Variants in SH3RF2 observed in about 807,000 individuals in gnomAD.
SH3RF2 encodes SH3 domain containing ring finger 2.
A neutral mutation model predicts 59.0 loss-of-function variants in SH3RF2; 43 were observed. The observed-to-expected ratio is 0.73, with a 90% confidence interval of 0.57 to 0.94. The LOEUF is 0.94. Among genes scored for constraint, SH3RF2 ranks in the 40% least tolerant of loss-of-function variants. SH3RF2 has a pLI of 0.00. For synonymous variants in SH3RF2, 391 were observed against 391.5 expected (o/e 1.00, Z 0.01); for missense variants, 930 against 940.1 (o/e 0.99, Z 0.14).
chr5:146,046,777 T>C (rs1024225049), intron 5 of SH3RF2, among the ~76,000 whole-genome samples: 1 of 152,090 alleles, frequency 6.6e-6, no homozygotes, highest in African/African-American at 2.4e-5. Context: ...CTTTTTTTTT[T>C]TTTTGAGATA....
At chr5:146,058,069 C>A (rs1187572177) in intron 8 of SH3RF2, among the ~76,000 whole-genome samples, 1 of 151,910 alleles carries the variant, frequency 6.6e-6, no homozygotes, top group East Asian at 1.9e-4. Flanking sequence ...ATCCTGAAAG[C>A]AATTGCTCAC....
At chr5:146,035,653 G>T (rs1339036716) in intron 5 of SH3RF2, among the ~76,000 whole-genome samples, 1 of 152,128 alleles carries the variant, frequency 6.6e-6, no homozygotes, top group Non-Finnish European at 1.5e-5. Context: ...ACCTCTCCTT[G>T]TGGGTCCACA....
downstream of SH3RF2, among the ~76,000 whole-genome samples, chr5:146,067,927 C>A (rs1165726784): frequency 6.6e-6 from 1 of 152,202 alleles, no homozygotes; most frequent in African/African-American, 2.4e-5. Context: ...ATCCTGGTTG[C>A]TAAATATCTT....
intron 2 of SH3RF2, among the ~76,000 whole-genome samples, chr5:145,972,124 T>C (rs541712912): frequency 6.6e-6 from 1 of 152,302 alleles, no homozygotes; most frequent in East Asian, 1.9e-4. Context: ...AGAACAAATA[T>C]AGTTTGTTCA....
chr5:146,060,558 T>G (rs1315774548), intron 9 of SH3RF2, among the ~76,000 whole-genome samples: 1 of 152,214 alleles, frequency 6.6e-6, no homozygotes, highest in Non-Finnish European at 1.5e-5. Context: ...GCTTGCTAGC[T>G]GGGTGACTTT....
chr5:145,992,638 A>G (rs1359673757), intron 2 of SH3RF2, among the ~76,000 whole-genome samples: 1 of 151,446 alleles, frequency 6.6e-6, no homozygotes, highest in Non-Finnish European at 1.5e-5. Context: ...CATGGATGAC[A>G]GCAGGGAGAG....
At chr5:146,052,701 G>A (rs988631915) in intron 7 of SH3RF2, among the ~76,000 whole-genome samples, 4 of 152,158 alleles carry the variant, frequency 2.6e-5, no homozygotes, top group Admixed American at 6.5e-5. Context: ...CCACATGAAT[G>A]ATACATACCC....
intron 2 of SH3RF2, among the ~76,000 whole-genome samples, chr5:145,986,723 G>C (rs2149973482): frequency 6.6e-6 from 1 of 152,276 alleles, no homozygotes; most frequent in East Asian, 1.9e-4. Context: ...CCAGGGATAT[G>C]GCTCTAGACA....
At chr5:146,062,060 C>T (rs752225750) in intron 9 of SH3RF2, among the ~76,000 whole-genome samples, 5 of 152,082 alleles carry the variant, frequency 3.3e-5, no homozygotes, top group South Asian at 2.1e-4. Flanking sequence ...CTTAATAGTA[C>T]GTAGAGAGGA....
intron 4 of SH3RF2, among the ~76,000 whole-genome samples, chr5:146,005,341 G>T (rs140474275): frequency 8.8e-4 from 134 of 152,266 alleles, no homozygotes; most frequent in African/African-American, 3.2e-3. Flanking sequence ...CATGCATAAA[G>T]CATTAAAAAT....
chr5:145,993,351 C>T (rs1350131402), intron 2 of SH3RF2, among the ~76,000 whole-genome samples: 4 of 152,102 alleles, frequency 2.6e-5, no homozygotes, highest in African/African-American at 4.8e-5. Context: ...GGATGGTGGC[C>T]GTCTTCTCAC....
In SH3RF2 at chr5:145,957,279, A is replaced by G. The variant is rs116297647; in HGVS notation, c.378+18973A>G. Reference sequence around the variant, plus strand: ...ACAAACAAGCAAACAAAAAAACACTACTTTGGCTCCTGTGCGGGAAATGAA... The same window carrying G: ...ACAAACAAGCAAACAAAAAAACACTGCTTTGGCTCCTGTGCGGGAAATGAA... On this transcript the variant is annotated intron_variant, in intron 2 of 9. Transcript: ENST00000359120. Among the ~76,000 whole-genome samples the G allele has an allele frequency of 9.7e-3, 1,484 of 152,284 alleles. 24 individuals are homozygous for G. Among genetic ancestry groups the G allele is most frequent in the African/African-American group, 0.034 (1,412 of 41,546 alleles).
intron 2 of SH3RF2, among the ~76,000 whole-genome samples, chr5:145,964,303 CCTTT>C (rs368015059): frequency 0.02 from 2,444 of 120,496 alleles, 23 homozygotes; most frequent in Non-Finnish European, 0.029. Context: ...TTCCTTCCTT[CCTTT>C]CTTTCTTTTT....
chr5:145,992,980 C>T (rs1312697659), intron 2 of SH3RF2, among the ~76,000 whole-genome samples: 2 of 152,118 alleles, frequency 1.3e-5, no homozygotes, highest in East Asian at 3.9e-4. Flanking sequence ...AAGTCCCTTT[C>T]ACCTACGAGC....
Position 145,938,006 on chromosome 5 carries a change from C to T in SH3RF2, c.78C>T (p.Leu26=), listed in dbSNP as rs941904350. 3.7e-6 allele frequency: 6 copies of T among 1,614,100 alleles called. No homozygotes were observed. The highest frequency in any genetic ancestry group is 3.4e-6 in the Non-Finnish European group (4 of 1,180,030). The change falls in exon 2 of 10, where the codon CTC becomes CTT. Residue 26 remains leucine (L), a synonymous_variant. Coordinates refer to ENST00000359120, the MANE Select transcript of SH3RF2 (RefSeq NM_152550.4). ...FEKLDVTAKV[L]PCQHTFCKPC... is the part of the protein sequence containing the mutation. The stretch of plus-strand genomic sequence containing the variant: ...AGCTCGATGTCACAGCCAAAGTCCT[C>T]CCTTGCCAGCACACCTTCTGCAAAC...
intron 2 of SH3RF2, among the ~76,000 whole-genome samples, chr5:145,986,113 A>G (rs1178089832): frequency 6.6e-6 from 1 of 152,234 alleles, no homozygotes; most frequent in Non-Finnish European, 1.5e-5. Flanking sequence ...TTGAGGAAAC[A>G]GGCCCAGAGA....
intron 2 of SH3RF2, among the ~76,000 whole-genome samples, chr5:145,953,126 A>T (rs984753340): frequency 3.5e-5 from 4 of 113,344 alleles, no homozygotes; most frequent in African/African-American, 1.3e-4. Context: ...TCTCTCTGTC[A>T]CACACACACA....
chr5:145,988,357 T>A (rs570408459), intron 2 of SH3RF2, among the ~76,000 whole-genome samples: 21 of 151,690 alleles, frequency 1.4e-4, no homozygotes, highest in African/African-American at 4.6e-4. Context: ...ATCTCTCTGA[T>A]CAGCCAAAAT....
Position 146,062,801 on chromosome 5 carries a change from A to G in SH3RF2, c.*100A>G. 6.8e-7 allele frequency: 1 copy of G among 1,474,754 alleles called. No individual in the cohort carries two copies. Among genetic ancestry groups the G allele is most frequent in the Non-Finnish European group, 9.1e-7 (1 of 1,100,982 alleles). The allele number at this position is 1,474,754 out of a possible 1,614,324, so 91.4% of individuals were successfully genotyped here. ...CCTGCCATTCTTTGGGGACTTGAGC[A>G]TGGGTCCTTGTTCTTCCTATTTCAC... On this transcript the variant is annotated 3_prime_UTR_variant, in exon 10 of 10. Transcript: ENST00000359120.
Sources: gnomAD v4.1 joint callset for allele counts (sites outside exome capture counted in the v4.1 genomes callset) on GRCh38, gnomAD v4.1.1 for gene constraint, MANE v1.5 for transcripts, NCBI Gene and HGNC (gene_info 2026-07-23, HGNC 2026-07-21) for gene names.